Variants in SULT4A1 observed in about 807,000 individuals in gnomAD.
The protein encoded by SULT4A1 is sulfotransferase family 4A member 1, also known as sulfotransferase 4A1.
A neutral mutation model predicts 35.2 loss-of-function variants in SULT4A1; 11 were observed. That is an observed-to-expected ratio of 0.31 (90% confidence interval 0.20 to 0.52). The LOEUF is 0.52. Among genes scored for constraint, SULT4A1 ranks in the 20% least tolerant of loss-of-function variants. The probability of loss-of-function intolerance (pLI) is 0.97; values close to 1 mark genes in which losing one functional copy is unlikely to be tolerated. For missense variants in SULT4A1, 271 were observed against 383.7 expected (o/e 0.71, Z 2.45); for synonymous variants, 152 against 151.8 (o/e 1.00, Z -0.01).
chr22:43,833,600 G>A, intron 5 of SULT4A1, 40 bp downstream of exon 5: 3 of 1,544,146 alleles, frequency 1.9e-6, no homozygotes, highest in South Asian at 1.2e-5. Context: ...CAGGCCGAGG[G>A]CCAGGGCACC....
intron 1 of SULT4A1, among the ~76,000 whole-genome samples, chr22:43,844,879 A>G (rs899859806): frequency 5.7e-4 from 87 of 152,332 alleles, no homozygotes; most frequent in African/African-American, 1.9e-3. Context: ...TGGTGCAGGC[A>G]GGAGGAAGCG....
chr22:43,828,269 G>A (rs1300694675), intron 6 of SULT4A1, among the ~76,000 whole-genome samples: 1 of 152,234 alleles, frequency 6.6e-6, no homozygotes, highest in Non-Finnish European at 1.5e-5. Flanking sequence ...ACCAACAGGG[G>A]GCCTCCTATG....
intron 1 of SULT4A1, among the ~76,000 whole-genome samples, chr22:43,858,259 A>G (rs1001084825): frequency 4.6e-5 from 7 of 152,064 alleles, no homozygotes; most frequent in Non-Finnish European, 7.4e-5. Flanking sequence ...GTTCAAACCA[A>G]CTACAAGTTC....
intron 5 of SULT4A1, among the ~76,000 whole-genome samples, chr22:43,833,242 T>C (rs1603404543): frequency 6.6e-6 from 1 of 152,112 alleles, no homozygotes; most frequent in South Asian, 2.1e-4. Context: ...ACCTAGAAAA[T>C]GCTCAGTCTC....
intron 1 of SULT4A1, among the ~76,000 whole-genome samples, chr22:43,851,540 A>G (rs1415924387): frequency 1.3e-5 from 2 of 152,128 alleles, no homozygotes; most frequent in Non-Finnish European, 2.9e-5. Context: ...TTCACAGCTG[A>G]GGACCTGTCA....
chr22:43,828,973 G>T, intron 6 of SULT4A1, 87 bp downstream of exon 6: 1 of 1,395,978 alleles, frequency 7.2e-7, no homozygotes. Context: ...GGGCAACAGG[G>T]ACCGGACTCG....
intron 1 of SULT4A1, among the ~76,000 whole-genome samples, chr22:43,845,291 C>T (rs376450342): frequency 7.2e-4 from 110 of 152,052 alleles, no homozygotes; most frequent in Middle Eastern, 3.4e-3. Context: ...ACATCAGCCT[C>T]CGGGGCACAT....
intron 6 of SULT4A1, chr22:43,826,749 T>A (rs2063289418): frequency 1.0e-6 from 1 of 985,278 alleles, no homozygotes. Context: ...TTAAAGTGAA[T>A]CAAATAGTCG....
intron 5 of SULT4A1, among the ~76,000 whole-genome samples, chr22:43,831,207 G>A (rs1374639172): frequency 1.3e-5 from 2 of 151,718 alleles, no homozygotes; most frequent in Non-Finnish European, 2.9e-5. Flanking sequence ...TAAGGGCTTG[G>A]AGTAAAGTGT....
intron 1 of SULT4A1, among the ~76,000 whole-genome samples, chr22:43,856,632 C>A (rs184520268): frequency 1.3e-5 from 2 of 152,280 alleles, no homozygotes; most frequent in African/African-American, 4.8e-5. Flanking sequence ...AAGGTTCAGA[C>A]CTACGAGGAA....
At chr22:43,862,164 G>A (rs1473087206) in intron 1 of SULT4A1, 50 bp downstream of exon 1, 2 of 1,380,330 alleles carry the variant, frequency 1.4e-6, no homozygotes, top group Non-Finnish European at 1.9e-6. Flanking sequence ...ACGCGGCCGC[G>A]CTGCAGGGCT....
intron 5 of SULT4A1, among the ~76,000 whole-genome samples, chr22:43,829,870 C>A (rs932007741): frequency 2.6e-5 from 4 of 152,194 alleles, no homozygotes; most frequent in Non-Finnish European, 5.9e-5. Flanking sequence ...TAGGAAGATG[C>A]TGGAGGCTGT....
rs8142964 is a variant in SULT4A1, at chr22:43,858,649, C to T, written c.169+3565G>A. On this transcript the variant is annotated intron_variant, in intron 1 of 6. Coordinates refer to ENST00000330884, the MANE Select transcript of SULT4A1 (RefSeq NM_014351.4). ...CTGTGTGGTAAAGCTCAAAGGGCTC[C>T]GCATGCTCCCTCATCTCAGAACAAA... Among the ~76,000 whole-genome samples, 968 of 152,210 alleles carry T rather than the reference C, an allele frequency of 6.4e-3. 6 individuals are homozygous for T. Among genetic ancestry groups the T allele is most frequent in the African/African-American group, 0.023 (939 of 41,526 alleles).
chr22:43,841,842 G>A lies in SULT4A1; in HGVS notation c.260C>T (p.Pro87Leu), dbSNP rs1327431018. The change falls in exon 2 of 7, where the codon CCG (proline) becomes CTG (leucine). Residue 87 changes from proline to leucine, a missense_variant. Physicochemically the swap from Pro to Leu is moderately conservative, Grantham distance 98 (BLOSUM62 -3). Coordinates refer to ENST00000330884, the MANE Select transcript of SULT4A1 (RefSeq NM_014351.4). Reference protein sequence around the residue: ...IGLMNIDEQLPVLEYPQPGLD... With the variant: ...IGLMNIDEQLLVLEYPQPGLD... ...GCCCGGCTGTGGGTACTCCAGGACC[G>A]GGAGCTGCTCGTCGATGTTCATCAA... is the stretch of plus-strand genomic sequence containing the variant. 7 of 1,613,972 alleles carry A rather than the reference G, an allele frequency of 4.3e-6. No individual in the cohort carries two copies. The highest frequency in any genetic ancestry group is 1.1e-5 in the South Asian group (1 of 91,078).
At chr22:43,828,925 TG>T in intron 6 of SULT4A1, 134 bp downstream of exon 6, 1 of 1,013,060 alleles carries the variant, frequency 9.9e-7, no homozygotes, top group Non-Finnish European at 1.4e-6. Flanking sequence ...GCACAGGCCA[TG>T]GGCCAGCTAC....
intron 1 of SULT4A1, among the ~76,000 whole-genome samples, chr22:43,853,446 G>C (rs993715088): frequency 2.0e-5 from 3 of 151,994 alleles, no homozygotes; most frequent in Non-Finnish European, 4.4e-5. Flanking sequence ...TCTGGGCCAC[G>C]TCCACAGCCA....
At chr22:43,827,885 T>A (rs1441330582) in intron 6 of SULT4A1, among the ~76,000 whole-genome samples, 1 of 152,060 alleles carries the variant, frequency 6.6e-6, no homozygotes, top group Non-Finnish European at 1.5e-5. Flanking sequence ...TAACAAATAT[T>A]TATGAAAATG....
chr22:43,843,577 G>C (rs957121329), intron 1 of SULT4A1, among the ~76,000 whole-genome samples: 7 of 152,216 alleles, frequency 4.6e-5, no homozygotes, highest in Admixed American at 3.9e-4. Flanking sequence ...CTTTTGTCCA[G>C]TCCCATTTCT....
chr22:43,827,768 C>CAA, intron 6 of SULT4A1: 1 of 459,284 alleles, frequency 2.2e-6, no homozygotes, highest in Non-Finnish European at 4.0e-6. Context: ...CACACACACA[C>CAA]ACACACACAC....
Sources: gnomAD v4.1 joint callset for allele counts (sites outside exome capture counted in the v4.1 genomes callset) on GRCh38, gnomAD v4.1.1 for gene constraint, MANE v1.5 for transcripts, NCBI Gene and HGNC (gene_info 2026-07-23, HGNC 2026-07-21) for gene names.